Variants in JRK observed in about 807,000 individuals in gnomAD.
The protein encoded by JRK is jerky protein homolog.
For missense variants in JRK, 720 were observed against 509.2 expected (o/e 1.41, Z -3.98); for synonymous variants, 303 against 218.1 (o/e 1.39, Z -3.43).
chr8:142,663,840 C>T lies in JRK; in HGVS notation c.*512G>A. On this transcript the variant is annotated 3_prime_UTR_variant, in exon 2 of 2. Coordinates refer to ENST00000612905, the MANE Select transcript of JRK (RefSeq NM_003724.4). Reference sequence around the variant, plus strand: ...GAGTCCCAGCTCTCGGGCCATCGGACCTCAGGCAACCGTGCTCGGGGTCCA... The same window carrying T: ...GAGTCCCAGCTCTCGGGCCATCGGATCTCAGGCAACCGTGCTCGGGGTCCA... The T allele has an allele frequency of 1.0e-6, 1 of 987,354 alleles. No homozygotes were observed. The highest frequency in any genetic ancestry group is 1.2e-6 in the Non-Finnish European group (1 of 831,356). The allele number at this position is 987,354 out of a possible 1,614,324, so 61.2% of individuals were successfully genotyped here.
intron 1 of JRK, among the ~76,000 whole-genome samples, chr8:142,667,698 C>G (rs1213757939): frequency 2.0e-5 from 3 of 152,228 alleles, no homozygotes; most frequent in Non-Finnish European, 4.4e-5. Flanking sequence ...TCACACACAC[C>G]TTTGACCAAT....
the JRK span, among the ~76,000 whole-genome samples, chr8:142,646,564 A>T: frequency 6.6e-6 from 1 of 152,222 alleles, no homozygotes. Flanking sequence ...TGGCAGGGAG[A>T]AGTATAAAAT....
At chr8:142,653,927 T>G (rs1846706903), downstream of JRK, among the ~76,000 whole-genome samples, 1 of 152,204 alleles carries the variant, frequency 6.6e-6, no homozygotes, top group African/African-American at 2.4e-5. Context: ...CCCATTTAGC[T>G]GGCTCTATGT....
rs1426007611 is a variant in JRK at position 142,659,973 on chromosome 8, G to C, written c.*4379C>G. Reference sequence around the variant, plus strand: ...TGAGGGTCCATGTGTAGAAGCAGAGGCCAGAGCTGACACCACATGGGCAAA... The same window carrying C: ...TGAGGGTCCATGTGTAGAAGCAGAGCCCAGAGCTGACACCACATGGGCAAA... On this transcript the variant is annotated 3_prime_UTR_variant, in exon 2 of 2. Transcript: ENST00000612905. The C allele has an allele frequency of 4.1e-6, 4 of 985,638 alleles. No individual in the cohort carries two copies. Among genetic ancestry groups the C allele is most frequent in the Non-Finnish European group, 3.6e-6 (3 of 830,018 alleles). 61.1% of individuals were successfully genotyped at this position (985,638 alleles called of 1,614,324 possible). A position where few individuals can be genotyped will look rare whatever the true frequency, so the allele number is the denominator to read the frequency against.
At chr8:142,653,335 T>C (rs1846697658), downstream of JRK, among the ~76,000 whole-genome samples, 1 of 152,184 alleles carries the variant, frequency 6.6e-6, no homozygotes, top group Non-Finnish European at 1.5e-5. Flanking sequence ...CCCCAATTAC[T>C]CCTGCAGATA....
Position 142,664,493 on chromosome 8 carries a change from G to A in JRK, c.1566C>T (p.Phe522=), listed in dbSNP as rs782010141. 24 of 1,610,472 alleles carry A rather than the reference G, an allele frequency of 1.5e-5. No individual in the cohort carries two copies. The highest frequency in any genetic ancestry group is 2.0e-5 in the Non-Finnish European group (23 of 1,178,886). ...GCCTCCTCACCTGCTGCTGGCTCCG[G>A]AACACGGCACGCAGCGCCCGCAGCT... ...VGQLRALRAV[F]RSQQQVRRRR... is the part of the protein sequence containing the mutation. Residue 522 remains phenylalanine (F), a synonymous_variant, in exon 2 of 2, where the codon TTC becomes TTT. Coordinates refer to ENST00000612905, the MANE Select transcript of JRK (RefSeq NM_003724.4).
Position 142,658,124 on chromosome 8 carries a change from G to C in JRK, c.*6228C>G, listed in dbSNP as rs1554633953. 6.6e-6 allele frequency: 1 copy of C among 152,272 alleles called. No individual in the cohort carries two copies. The highest frequency in any genetic ancestry group is 2.4e-5 in the African/African-American group (1 of 41,454). The allele number at this position is 152,272 out of a possible 1,614,324, so 9.4% of individuals were successfully genotyped here. A position where few individuals can be genotyped will look rare whatever the true frequency, so the allele number is the denominator to read the frequency against. On this transcript the variant is annotated 3_prime_UTR_variant, in exon 2 of 2. Coordinates refer to ENST00000612905, the MANE Select transcript of JRK (RefSeq NM_003724.4). ...TTTTACTCATTCCAAGTCCCCCAGG[G>C]GCCTGGCCCATGACTGGCACTGAGG...
In JRK at chr8:142,664,174, C is replaced by A; in HGVS notation, c.*178G>T. 2 of 1,367,610 alleles carry A rather than the reference C, an allele frequency of 1.5e-6. No individual in the cohort carries two copies. The highest frequency in any genetic ancestry group is 1.9e-6 in the Non-Finnish European group (2 of 1,060,978). 84.7% of individuals were successfully genotyped at this position (1,367,610 alleles called of 1,614,324 possible). ...AAAATAAAACCTGTATTGACAGGAA[C>A]CTCGGGCACAGACCGTCCTGGGCAC... is the stretch of plus-strand genomic sequence containing the variant. On this transcript the variant is annotated 3_prime_UTR_variant, in exon 2 of 2. Transcript: ENST00000612905.
At position 142,659,030 on chromosome 8, in the gene JRK, G is replaced by C. The variant is rs1554634163; in HGVS notation, c.*5322C>G. 2 of 1,484,378 alleles carry C rather than the reference G, an allele frequency of 1.3e-6. No homozygotes were observed. The highest frequency in any genetic ancestry group is 1.8e-6 in the Non-Finnish European group (2 of 1,109,932). The allele number at this position is 1,484,378 out of a possible 1,614,324, so 92.0% of individuals were successfully genotyped here. ...TGTAGTCACTTCCCTCTGCCAGGGAGAATGGTGGAGGAAGAATGGATTCCT... is the reference window on the plus strand; with the variant it reads ...TGTAGTCACTTCCCTCTGCCAGGGACAATGGTGGAGGAAGAATGGATTCCT... On this transcript the variant is annotated 3_prime_UTR_variant, in exon 2 of 2. Coordinates refer to ENST00000612905, the MANE Select transcript of JRK (RefSeq NM_003724.4).
the JRK span, among the ~76,000 whole-genome samples, chr8:142,652,432 C>T: frequency 2.0e-5 from 3 of 152,078 alleles, no homozygotes; most frequent in African/African-American, 4.8e-5. Context: ...TCTGGAAAGG[C>T]GGGACAACTC....
In JRK at chr8:142,665,787, CGGT is replaced by C; in HGVS notation, c.269_271del (p.Asp90_Arg91delinsGly). On this transcript the variant is annotated inframe_deletion, in exon 2 of 2. Coordinates refer to ENST00000612905, the MANE Select transcript of JRK (RefSeq NM_003724.4). The stretch of plus-strand genomic sequence containing the variant: ...CCCCAGGAACCACTCGTACAGGACG[CGGT>C]CCAGGTGCTCCAGCTTGGGCGTGTG... 1.3e-6 allele frequency: 1 copy of C among 778,312 alleles called. No individual in the cohort carries two copies. The highest frequency in any genetic ancestry group is 2.4e-6 in the Non-Finnish European group (1 of 417,188). 48.2% of individuals were successfully genotyped at this position (778,312 alleles called of 1,614,324 possible). A position where few individuals can be genotyped will look rare whatever the true frequency, so the allele number is the denominator to read the frequency against.
At chr8:142,668,122 G>A (rs1039832786) in intron 1 of JRK, among the ~76,000 whole-genome samples, 32 of 152,378 alleles carry the variant, frequency 2.1e-4, no homozygotes, top group Admixed American at 1.8e-3. Context: ...AGTACTTGAG[G>A]ATGGACTCCT....
At chr8:142,653,016 A>G (rs1554633333), downstream of JRK, among the ~76,000 whole-genome samples, 1 of 152,220 alleles carries the variant, frequency 6.6e-6, no homozygotes, top group East Asian at 1.9e-4. Flanking sequence ...CTTGGGCCAC[A>G]TCCATCAGCA....
rs781999764 is a variant in JRK at position 142,662,290 on chromosome 8, C to T, written c.*2062G>A. 33 of 985,648 alleles carry T rather than the reference C, an allele frequency of 3.3e-5. No homozygotes were observed. The highest frequency in any genetic ancestry group is 7.0e-5 in the African/African-American group (4 of 57,252). The allele number at this position is 985,648 out of a possible 1,614,324, so 61.1% of individuals were successfully genotyped here. On this transcript the variant is annotated 3_prime_UTR_variant, in exon 2 of 2. Transcript: ENST00000612905. ...GACTCAGGAGAGCCAGCCAGGAGCTCGGCCAGCTGGCCTGCCCATGCCCTC... is the reference window on the plus strand; with the variant it reads ...GACTCAGGAGAGCCAGCCAGGAGCTTGGCCAGCTGGCCTGCCCATGCCCTC...
rs373806049 is a variant in JRK, at chr8:142,664,324, C to G, written c.*28G>C. 15 of 1,525,250 alleles carry G rather than the reference C, an allele frequency of 9.8e-6. No individual in the cohort carries two copies. The African/African-American group carries it at 1.9e-4, about 20-fold the overall frequency. 94.5% of individuals were successfully genotyped at this position (1,525,250 alleles called of 1,614,324 possible). On this transcript the variant is annotated 3_prime_UTR_variant, in exon 2 of 2. Transcript: ENST00000612905. ...TCCAGGGTGTGGGGAGAAACAGGGCCAGTGGCCAGGGCAGGGCAGAGAAGC... is the reference window on the plus strand; with the variant it reads ...TCCAGGGTGTGGGGAGAAACAGGGCGAGTGGCCAGGGCAGGGCAGAGAAGC...
chr8:142,647,942 G>T, the JRK span, among the ~76,000 whole-genome samples: 1 of 152,202 alleles, frequency 6.6e-6, no homozygotes, highest in Non-Finnish European at 1.5e-5. Context: ...CCAGGCTGAG[G>T]TGGTCTCAGA....
chr8:142,648,861 G>C, the JRK span, among the ~76,000 whole-genome samples: 1 of 152,226 alleles, frequency 6.6e-6, no homozygotes, highest in Non-Finnish European at 1.5e-5. Context: ...AGCCCATGAA[G>C]GCAGCTGGGA....
Position 142,666,329 on chromosome 8 carries a change from T to A in JRK, c.-271A>T. ...AGTGCAGTCAGCTGCCAATTCTCTC[T>A]GTGGAGGAGGTGACCCTGTCAGACT... On this transcript the variant is annotated 5_prime_UTR_variant, in exon 2 of 2. Transcript: ENST00000612905. 1.7e-6 allele frequency: 1 copy of A among 574,380 alleles called. No homozygotes were observed. The highest frequency in any genetic ancestry group is 3.2e-6 in the Non-Finnish European group (1 of 312,550). The allele number at this position is 574,380 out of a possible 1,614,324, so 35.6% of individuals were successfully genotyped here.
the JRK span, among the ~76,000 whole-genome samples, chr8:142,643,827 T>C: frequency 3.3e-5 from 5 of 152,246 alleles, no homozygotes; most frequent in African/African-American, 1.2e-4. Flanking sequence ...ATTGTACTTA[T>C]GTAAATAACT....
Sources: gnomAD v4.1 joint callset for allele counts (sites outside exome capture counted in the v4.1 genomes callset) on GRCh38, gnomAD v4.1.1 for gene constraint, MANE v1.5 for transcripts, NCBI Gene and HGNC (gene_info 2026-07-23, HGNC 2026-07-21) for gene names.